FAM114A1: variants seen among roughly 807,000 people sequenced by gnomAD.
FAM114A1 encodes protein NOXP20.
A neutral mutation model predicts 64.3 loss-of-function variants in FAM114A1; 62 were observed. That is an observed-to-expected ratio of 0.96 (90% confidence interval 0.79 to 1.19). FAM114A1 has a LOEUF of 1.19. Among genes scored for constraint, FAM114A1 ranks in the 50% most tolerant of loss-of-function variants. The pLI, the probability that FAM114A1 is intolerant of heterozygous loss-of-function variation, is 0.00. For missense variants in FAM114A1, 645 were observed against 676.3 expected, an observed-to-expected ratio of 0.95 and a Z score of 0.51; for synonymous variants, 254 against 251.1, an observed-to-expected ratio of 1.01 and a Z score of -0.11.
intron 7 of FAM114A1, among the ~76,000 whole-genome samples, chr4:38,909,464 C>T (rs1718327498): frequency 6.6e-6 from 1 of 152,182 alleles, no homozygotes; most frequent in Non-Finnish European, 1.5e-5. Flanking sequence ...TAAAGTTTTC[C>T]AGCCCTTCTT....
rs112669198 is a variant in FAM114A1, at chr4:38,921,782, G to A, written c.946-988G>A. ...GTCATAGTTGTTCTTGGTTGACACA[G>A]CCTCACTCCTTTAGCCTGCAAGATG... On this transcript the variant is annotated intron_variant, in intron 8 of 14. Transcript: ENST00000358869. Among the ~76,000 whole-genome samples the A allele has an allele frequency of 4.5e-3, 684 of 152,266 alleles. 4 individuals carry two copies. Among genetic ancestry groups the A allele is most frequent in the African/African-American group, 0.016 (660 of 41,554 alleles).
At chr4:38,928,481 C>T (rs775664994) in intron 9 of FAM114A1, among the ~76,000 whole-genome samples, 48 of 151,994 alleles carry the variant, frequency 3.2e-4, no homozygotes, top group African/African-American at 5.6e-4. Context: ...TATTTTAATA[C>T]GTATACTGTC....
intron 2 of FAM114A1, among the ~76,000 whole-genome samples, chr4:38,873,052 C>T (rs149021719): frequency 7.2e-4 from 110 of 152,332 alleles, no homozygotes; most frequent in African/African-American, 2.6e-3. Context: ...TCCCATAAAC[C>T]ACCCACAATA....
intron 4 of FAM114A1, among the ~76,000 whole-genome samples, chr4:38,898,278 A>G (rs1717143164): frequency 6.6e-6 from 1 of 152,134 alleles, no homozygotes; most frequent in Non-Finnish European, 1.5e-5. Flanking sequence ...TGATATGTAT[A>G]TTTACTTTTT....
chr4:38,878,658 C>T (rs892938200), intron 3 of FAM114A1, among the ~76,000 whole-genome samples: 2 of 152,306 alleles, frequency 1.3e-5, no homozygotes, highest in African/African-American at 4.8e-5. Context: ...TTATCAGACA[C>T]AAGCCGTGTG....
intron 8 of FAM114A1, among the ~76,000 whole-genome samples, chr4:38,915,599 A>G (rs948453816): frequency 1.3e-5 from 2 of 152,152 alleles, no homozygotes; most frequent in South Asian, 4.1e-4. Context: ...CTATTAGGGA[A>G]TGCTCCCGTA....
chr4:38,903,279 G>C (rs557455874), intron 4 of FAM114A1, among the ~76,000 whole-genome samples: 3 of 152,130 alleles, frequency 2.0e-5, no homozygotes, highest in African/African-American at 4.8e-5. Context: ...CTGAGATGGC[G>C]AGAAGCCATT....
At chr4:38,919,000 A>G (rs1719332686) in intron 8 of FAM114A1, among the ~76,000 whole-genome samples, 1 of 152,038 alleles carries the variant, frequency 6.6e-6, no homozygotes, top group Non-Finnish European at 1.5e-5. Context: ...TAAAAATACA[A>G]AAATTAGCAG....
At chr4:38,913,008 T>G (rs1054898041) in intron 7 of FAM114A1, among the ~76,000 whole-genome samples, 1 of 152,198 alleles carries the variant, frequency 6.6e-6, no homozygotes, top group African/African-American at 2.4e-5. Context: ...TGCGGCCCTG[T>G]GGGTTCTTGG....
intron 6 of FAM114A1, 146 bp from the exon 7 acceptor site, chr4:38,908,446 T>C (rs1037171397): frequency 1.5e-6 from 1 of 672,794 alleles, no homozygotes; most frequent in African/African-American, 1.8e-5. Flanking sequence ...TAGGATTAAA[T>C]GGATGATAAA....
At chr4:38,920,175 C>T (rs1181211840) in intron 8 of FAM114A1, among the ~76,000 whole-genome samples, 1 of 151,864 alleles carries the variant, frequency 6.6e-6, no homozygotes, top group South Asian at 2.1e-4. Flanking sequence ...CCACTGCACT[C>T]CAGCCTGGGC....
At chr4:38,943,213 T>A (rs373995429) in intron 14 of FAM114A1, among the ~76,000 whole-genome samples, 148 of 144,356 alleles carry the variant, frequency 1.0e-3, no homozygotes, top group African/African-American at 3.5e-3. Context: ...AAAAAAAAAA[T>A]TCCATGAAAA....
chr4:38,885,433 G>C (rs938888373), intron 3 of FAM114A1, among the ~76,000 whole-genome samples: 1 of 151,582 alleles, frequency 6.6e-6, no homozygotes, highest in African/African-American at 2.4e-5. Flanking sequence ...ATGCCACCAC[G>C]CCTGGCTAAT....
chr4:38,915,187 TG>T (rs1718928617), intron 8 of FAM114A1, 114 bp downstream of exon 8: 2 of 1,311,860 alleles, frequency 1.5e-6, no homozygotes, highest in African/African-American at 2.9e-5. Context: ...TCATTATTAT[TG>T]TGCTGAGGTC....
In FAM114A1 at chr4:38,944,728, G is replaced by A. The variant is rs1721837746; in HGVS notation, c.*1171G>A. On this transcript the variant is annotated 3_prime_UTR_variant, in exon 15 of 15. Transcript: ENST00000358869. ...TGAACTGCACATGCGAGGGATCTAGGTTGTGCACTCCTTATGAGAATCTAA... is the reference window on the plus strand; with the variant it reads ...TGAACTGCACATGCGAGGGATCTAGATTGTGCACTCCTTATGAGAATCTAA... 6.6e-6 allele frequency: 1 copy of A among 152,130 alleles called. No homozygotes were observed. Among genetic ancestry groups the A allele is most frequent in the African/African-American group, 2.4e-5 (1 of 41,416 alleles). The allele number at this position is 152,130 out of a possible 1,614,324, so 9.4% of individuals were successfully genotyped here.
chr4:38,906,512 A>G (rs1300357107), intron 6 of FAM114A1, among the ~76,000 whole-genome samples: 2 of 152,132 alleles, frequency 1.3e-5, no homozygotes, highest in African/African-American at 4.8e-5. Context: ...CATCAGGGTC[A>G]GGGAGCAAAG....
In FAM114A1 at chr4:38,905,864, G is replaced by GC; in HGVS notation, c.657+3_657+4insC. On this transcript the variant is annotated splice_donor_region_variant and intron_variant, in intron 6 of 14. Transcript: ENST00000358869. ...TCACCAATGTGGTTCAAAACACAGTGAGTCGCTGGCTGCTTCCTCTCTTTC... is the reference window on the plus strand; with the variant it reads ...TCACCAATGTGGTTCAAAACACAGTGCAGTCGCTGGCTGCTTCCTCTCTTTC... 6.2e-7 allele frequency: 1 copy of GC among 1,607,748 alleles called. No individual in the cohort carries two copies. The highest frequency in any genetic ancestry group is 1.7e-5 in the Admixed American group (1 of 57,896).
At chr4:38,895,930 C>A (rs1345725517) in intron 4 of FAM114A1, among the ~76,000 whole-genome samples, 1 of 152,058 alleles carries the variant, frequency 6.6e-6, no homozygotes, top group Non-Finnish European at 1.5e-5. Flanking sequence ...ATAGATGTGG[C>A]CCGTCGTTGA....
chr4:38,886,915 G>A (rs538279784), intron 3 of FAM114A1, among the ~76,000 whole-genome samples: 6 of 145,366 alleles, frequency 4.1e-5, no homozygotes, highest in Non-Finnish European at 9.0e-5. Flanking sequence ...GAGACAGAGC[G>A]AGACTCCGTC....
Sources: gnomAD v4.1 joint callset for allele counts (sites outside exome capture counted in the v4.1 genomes callset) on GRCh38, gnomAD v4.1.1 for gene constraint, MANE v1.5 for transcripts, NCBI Gene and HGNC (gene_info 2026-07-23, HGNC 2026-07-21) for gene names.